The following ELFN2 variants were observed in gnomAD, a reference collection of about 807,000 sequenced individuals.
The protein encoded by ELFN2 is protein phosphatase 1 regulatory subunit 29.
In ELFN2, 17 loss-of-function variants were observed where a neutral mutation model predicts 45.5. The observed-to-expected ratio is 0.37, with a 90% CI of 0.26 to 0.56. The LOEUF is 0.56. Among genes scored for constraint, ELFN2 ranks in the 20% least tolerant of loss-of-function variants. The pLI, the probability that ELFN2 is intolerant of heterozygous loss-of-function variation, is 0.77. For synonymous variants in ELFN2, 550 were observed against 551.5 expected (o/e 1.00, Z 0.04); for missense variants, 922 against 1,183.2 (o/e 0.78, Z 3.24).
At chr22:37,347,705 A>G (rs1258861721) in intron 1 of ELFN2, among the ~76,000 whole-genome samples, 1 of 151,744 alleles carries the variant, frequency 6.6e-6, no homozygotes, top group African/African-American at 2.4e-5. Flanking sequence ...GCAGTCTCTC[A>G]TTATCAGTTC....
rs1931301615 is a variant in ELFN2, at chr22:37,369,489, G to A, written c.*3583C>T. Reference sequence around the variant, plus strand: ...GAGCCCAGGTGAGGGATTCTTTGGTGGGCAGAGAGAGACTCTTCCTGCCGC... The same window carrying A: ...GAGCCCAGGTGAGGGATTCTTTGGTAGGCAGAGAGAGACTCTTCCTGCCGC... On this transcript the variant is annotated 3_prime_UTR_variant, in exon 3 of 3. Coordinates refer to ENST00000402918, the MANE Select transcript of ELFN2 (RefSeq NM_052906.5). The A allele has an allele frequency of 6.6e-6, 1 of 152,212 alleles. No individual in the cohort carries two copies. Among genetic ancestry groups the A allele is most frequent in the Non-Finnish European group, 1.5e-5 (1 of 68,072 alleles). The allele number at this position is 152,212 out of a possible 1,614,324, so 9.4% of individuals were successfully genotyped here. A position where few individuals can be genotyped will look rare whatever the true frequency, so the allele number is the denominator to read the frequency against.
At chr22:37,412,935 C>G (rs1327683912) in intron 2 of ELFN2, among the ~76,000 whole-genome samples, 5 of 152,216 alleles carry the variant, frequency 3.3e-5, no homozygotes, top group African/African-American at 1.2e-4. Flanking sequence ...TCCCCACTTC[C>G]TCCCCTCTCC....
At chr22:37,378,566 G>A (rs756560622) in intron 2 of ELFN2, among the ~76,000 whole-genome samples, 3 of 152,216 alleles carry the variant, frequency 2.0e-5, no homozygotes, top group Admixed American at 6.5e-5. Context: ...GAGGCCCGCC[G>A]TGCCCCAAGC....
intron 2 of ELFN2, among the ~76,000 whole-genome samples, chr22:37,408,461 G>A (rs1056893860): frequency 1.3e-5 from 2 of 152,246 alleles, no homozygotes; most frequent in African/African-American, 4.8e-5. Context: ...CCAAGGAAGT[G>A]CTGTTAACCC....
At position 37,357,925 on chromosome 22, in the gene ELFN2, C is replaced by A. The variant is rs147006195; in HGVS notation, n.149-15222G>T. On this transcript the variant is annotated intron_variant and non_coding_transcript_variant, in intron 1 of 2. Coordinates refer to ENST00000452946, the Ensembl canonical transcript of ELFN2. ...CACCCCCTCCACACATCACCCTGCA[C>A]GCATCTGAAGCCGAAGTGAAGTCCC... Among the ~76,000 whole-genome samples the A allele has an allele frequency of 4.2e-3, 636 of 152,300 alleles. 7 individuals carry two copies. The highest frequency in any genetic ancestry group is 0.014 in the African/African-American group (595 of 41,562).
At chr22:37,425,346 AG>A (rs1932839878) in intron 1 of ELFN2, among the ~76,000 whole-genome samples, 1 of 152,166 alleles carries the variant, frequency 6.6e-6, no homozygotes. Context: ...TGCACTCTTC[AG>A]GGGGCAGGAC....
chr22:37,399,075 C>T (rs906488725), intron 2 of ELFN2, among the ~76,000 whole-genome samples: 2 of 152,170 alleles, frequency 1.3e-5, no homozygotes, highest in African/African-American at 4.8e-5. Context: ...GTGTCCTCCC[C>T]AGACTCCTGG....
At chr22:37,405,324 G>A (rs966374502) in intron 2 of ELFN2, among the ~76,000 whole-genome samples, 3 of 151,768 alleles carry the variant, frequency 2.0e-5, no homozygotes, top group Non-Finnish European at 2.9e-5. Context: ...AACCTCTGAC[G>A]TCAGGTGATC....
Position 37,373,440 on chromosome 22 carries a change from C to T in ELFN2, c.2095G>A (p.Val699Met). The change falls in exon 3 of 3, where the codon GTG (valine) becomes ATG (methionine). Residue 699 changes from valine (V) to methionine (M), a missense_variant. By Grantham distance (21) the Val-to-Met change is conservative (BLOSUM62 1). This residue lies in a region of ELFN2 where 564 missense variants were observed against 642.8 expected (regional missense o/e 0.88). Transcript: ENST00000402918. ...TCGCTGCAGTGGTAGGCCGGCTTCA[C>T]CTCCAGGTGGTGGATGCCCCCGCCC... ...GGGGGIHHLE[V>M]KPAYHCSEHR... 3 of 1,548,252 alleles carry T rather than the reference C, an allele frequency of 1.9e-6. No individual in the cohort carries two copies. The highest frequency in any genetic ancestry group is 2.6e-6 in the Non-Finnish European group (3 of 1,148,768).
chr22:37,363,347 G>A (rs1383318167), downstream of ELFN2, among the ~76,000 whole-genome samples: 1 of 152,186 alleles, frequency 6.6e-6, no homozygotes, highest in East Asian at 1.9e-4. Flanking sequence ...GAGAGGGGCA[G>A]ATGAGTGAGT....
At chr22:37,412,271 C>A (rs1932665794) in intron 2 of ELFN2, among the ~76,000 whole-genome samples, 1 of 114,480 alleles carries the variant, frequency 8.7e-6, no homozygotes, top group Admixed American at 8.0e-5. Flanking sequence ...AAGCAAAACT[C>A]CGTCTCAAAA....
At chr22:37,396,663 C>T (rs1932221166) in intron 2 of ELFN2, among the ~76,000 whole-genome samples, 1 of 152,152 alleles carries the variant, frequency 6.6e-6, no homozygotes, top group Admixed American at 6.5e-5. Flanking sequence ...CGCCCCCTTC[C>T]TGCCCCGACC....
rs559309044 is a variant in ELFN2, at chr22:37,359,746, A to G, written n.149-17043T>C. Among the ~76,000 whole-genome samples, 5 of 152,252 alleles carry G rather than the reference A, an allele frequency of 3.3e-5. No homozygotes were observed. The South Asian group carries it at 1.0e-3, about 32-fold the overall frequency. On this transcript the variant is annotated intron_variant and non_coding_transcript_variant, in intron 1 of 2. Transcript: ENST00000452946. ...CAGACGAGCCCCAGACTTGGAGCCT[A>G]CCCTAAGAAGTTTCTCGGCTTTGCT...
intron 1 of ELFN2, among the ~76,000 whole-genome samples, chr22:37,346,887 A>G (rs1239053447): frequency 6.6e-6 from 1 of 152,096 alleles, no homozygotes; most frequent in Non-Finnish European, 1.5e-5. Flanking sequence ...AGCAGTGCAG[A>G]GACAGGGCGT....
At position 37,373,075 on chromosome 22, in the gene ELFN2, C is replaced by T; in HGVS notation, c.2460G>A (p.Leu820=). 6.3e-7 allele frequency: 1 copy of T among 1,587,288 alleles called. No individual in the cohort carries two copies. The highest frequency in any genetic ancestry group is 8.6e-7 in the Non-Finnish European group (1 of 1,162,160). Residue 820 remains leucine, a synonymous_variant, in exon 3 of 3, where the codon CTG becomes CTA. Coordinates refer to ENST00000402918, the MANE Select transcript of ELFN2 (RefSeq NM_052906.5). ...YWKGVSAQQK[L] ...TCACCAGGGAGGAAGGGGGGGGTCA[C>T]AGCTTCTGCTGGGCGGAGACCCCCT...
chr22:37,394,246 C>T (rs572553533), intron 2 of ELFN2, among the ~76,000 whole-genome samples: 142 of 152,342 alleles, frequency 9.3e-4, no homozygotes, highest in Non-Finnish European at 1.9e-3. Flanking sequence ...TGTCTGCTGC[C>T]GCCCCTCCGT....
At chr22:37,425,586 A>C (rs1303110479) in intron 1 of ELFN2, among the ~76,000 whole-genome samples, 1 of 139,864 alleles carries the variant, frequency 7.1e-6, no homozygotes, top group East Asian at 2.0e-4. Context: ...TGCGGCCTGG[A>C]GCTTATGTCA....
chr22:37,347,994 G>A (rs1006174154), intron 1 of ELFN2, among the ~76,000 whole-genome samples: 5 of 152,200 alleles, frequency 3.3e-5, no homozygotes, highest in African/African-American at 9.7e-5. Context: ...GGAGTCCCTC[G>A]TTCTGCTGAG....
At chr22:37,379,558 T>C (rs1390249101) in intron 2 of ELFN2, among the ~76,000 whole-genome samples, 3 of 152,202 alleles carry the variant, frequency 2.0e-5, no homozygotes, top group African/African-American at 7.2e-5. Context: ...CACTCTCTCC[T>C]TCCACCACAG....
Sources: gnomAD v4.1 joint callset for allele counts (sites outside exome capture counted in the v4.1 genomes callset) on GRCh38, gnomAD v4.1.1 for gene constraint, gnomAD v4.1.1 regional missense constraint, MANE v1.5 for transcripts, NCBI Gene and HGNC (gene_info 2026-07-23, HGNC 2026-07-21) for gene names.